The following FASN variants were observed in gnomAD, a reference collection of about 807,000 sequenced individuals.
FASN encodes 3-hydroxyacyl-[acyl-carrier-protein] dehydratase.
In FASN, 50 loss-of-function variants were observed where a neutral mutation model predicts 250.0. The observed-to-expected ratio is 0.20, with a 90% CI of 0.16 to 0.25. The LOEUF (loss-of-function observed/expected upper bound fraction) is 0.25, where lower values mean the gene tolerates loss of function less well. Ranked by LOEUF, FASN falls within the 10% of genes least tolerant of loss-of-function variation. FASN has a pLI of 1.00. For synonymous variants in FASN, 1,909 were observed against 1,584.0 expected, an observed-to-expected ratio of 1.21 and a Z score of -4.87; for missense variants, 3,031 against 3,498.5, an observed-to-expected ratio of 0.87 and a Z score of 3.37.
In FASN at chr17:82,098,188, T is replaced by C. The variant is rs1568120404; in HGVS notation, c.-75A>G. The C allele has an allele frequency of 2.8e-6, 1 of 363,230 alleles. No homozygotes were observed. Among genetic ancestry groups the C allele is most frequent in the East Asian group, 4.0e-5 (1 of 24,888 alleles). The allele number at this position is 363,230 out of a possible 1,614,324, so 22.5% of individuals were successfully genotyped here. On this transcript the variant is annotated 5_prime_UTR_variant, in exon 1 of 43. Transcript: ENST00000306749. ...GCTGGAGCGCGGCGGAGCGGGAGGC[T>C]GAAGCGCGGCGGAGAGGGAGGCCGG...
In FASN at chr17:82,091,312, G is replaced by A. The variant is rs1033326712; in HGVS notation, c.1402C>T (p.Arg468Cys). 1.2e-5 allele frequency: 19 copies of A among 1,610,740 alleles called. No individual in the cohort carries two copies. Among genetic ancestry groups the A allele is most frequent in the Admixed American group, 5.0e-5 (3 of 59,826 alleles). The change falls in exon 9 of 43, where the codon CGT (arginine) becomes TGT (cysteine). Residue 468 changes from arginine to cysteine, a missense_variant. Physicochemically the swap from Arg to Cys is radical, Grantham distance 180. Coordinates refer to ENST00000306749, the MANE Select transcript of FASN (RefSeq NM_004104.5). ...AAVPATAMPFRGYAVLGGERG... is the reference protein window; with the variant it reads ...AAVPATAMPFCGYAVLGGERG... The stretch of plus-strand genomic sequence containing the variant: ...TCACCACCCAGCACAGCGTAGCCAC[G>A]GAAGGGCATGGCGGTGGCGGGGACA...
rs1474143797 is a variant in FASN, at chr17:82,087,696, G to A, written c.3032C>T (p.Ala1011Val). 1 of 1,611,702 alleles carries A rather than the reference G, an allele frequency of 6.2e-7. No homozygotes were observed. The highest frequency in any genetic ancestry group is 8.5e-7 in the Non-Finnish European group (1 of 1,179,992). ...YGPHFQGILE[A>V]SLEGDSGRLL... ...TAGTCAGTACCCACCTTCCAGGCTG[G>A]CCTCCAGGATGCCCTGGAAATGAGG... is the stretch of plus-strand genomic sequence containing the variant. The change falls in exon 19 of 43, where the codon GCC (alanine) becomes GTC (valine). Residue 1011 changes from alanine (A) to valine (V), a missense_variant. By Grantham distance (64) the Ala-to-Val change is moderately conservative. Coordinates refer to ENST00000306749, the MANE Select transcript of FASN (RefSeq NM_004104.5).
At chr17:82,094,903 T>G (rs941938052) in intron 3 of FASN, among the ~76,000 whole-genome samples, 3 of 41,828 alleles carry the variant, frequency 7.2e-5, no homozygotes, top group Non-Finnish European at 9.6e-5. Flanking sequence ...ATGCCTGGGG[T>G]GGGGGGACGT....
rs1295603360 is a variant in FASN, at chr17:82,088,051, T to C, written c.2786-17A>G. 17 of 1,612,218 alleles carry C rather than the reference T, an allele frequency of 1.1e-5. No individual in the cohort carries two copies. Among genetic ancestry groups the C allele is most frequent in the South Asian group, 4.4e-5 (4 of 91,054 alleles). ...ACACTGTCCCTGCAGAGCGGGAGAGTTGGAGATCAGAGGGCAGCACCCGCC... is the reference window on the plus strand; with the variant it reads ...ACACTGTCCCTGCAGAGCGGGAGAGCTGGAGATCAGAGGGCAGCACCCGCC... On this transcript the variant is annotated splice_polypyrimidine_tract_variant and intron_variant, in intron 17 of 42. Coordinates refer to ENST00000306749, the MANE Select transcript of FASN (RefSeq NM_004104.5).
At position 82,089,482 on chromosome 17, in the gene FASN, G is replaced by A. The variant is rs1263784113; in HGVS notation, c.1966-98C>T. On this transcript the variant is annotated intron_variant, in intron 12 of 42. Transcript: ENST00000306749. ...CCACCTCACCCCAAGGGAACCGAGA[G>A]GGAATGGGCAAGGGACCTGAGGACA... 3 of 1,601,380 alleles carry A rather than the reference G, an allele frequency of 1.9e-6. No homozygotes were observed. The African/African-American group carries it at 4.0e-5, about 21-fold the overall frequency.
In FASN at chr17:82,092,816, C is replaced by T. The variant is rs778159858; in HGVS notation, c.779-4G>A. 24 of 1,590,522 alleles carry T rather than the reference C, an allele frequency of 1.5e-5. No homozygotes were observed. The highest frequency in any genetic ancestry group is 8.1e-5 in the African/African-American group (6 of 74,404). ...TCCCCTGAGGGGAAGGTCACGCCTG[C>T]GGAGGGCTCGGCTCAGTGCTGCAGC... On this transcript the variant is annotated splice_region_variant and splice_polypyrimidine_tract_variant and intron_variant, in intron 6 of 42. Transcript: ENST00000306749.
chr17:82,091,903 C>T (rs1210327638), intron 8 of FASN, among the ~76,000 whole-genome samples: 2 of 152,232 alleles, frequency 1.3e-5, no homozygotes, highest in Admixed American at 1.3e-4. Context: ...CCCCTTCCGG[C>T]CTTGCTGCCT....
intron 8 of FASN, among the ~76,000 whole-genome samples, chr17:82,091,939 G>A (rs1238669377): frequency 6.6e-6 from 1 of 152,212 alleles, no homozygotes; most frequent in East Asian, 1.9e-4. Context: ...ACCCACCAAA[G>A]CCTGGCTGTG....
Position 82,085,864 on chromosome 17 carries a change from G to T in FASN, c.3740C>A (p.Ala1247Asp). ...SLKMKVVEVL[A>D]GHGHLYSRIP... ...GCGGGAATACAGGTGACCGTGGCCA[G>T]CCAGCACCTGTAGGGGGTGAATTCT... is the stretch of plus-strand genomic sequence containing the variant. The change falls in exon 23 of 43, where the codon GCT becomes GAT. Residue 1247 changes from alanine to aspartate, a missense_variant. Transcript: ENST00000306749. 6.5e-7 allele frequency: 1 copy of T among 1,537,704 alleles called. No individual in the cohort carries two copies.
Position 82,087,186 on chromosome 17 carries a change from G to A in FASN, c.3291C>T (p.Leu1097=). 1.2e-6 allele frequency: 2 copies of A among 1,608,286 alleles called. No individual in the cohort carries two copies. Among genetic ancestry groups the A allele is most frequent in the Non-Finnish European group, 1.7e-6 (2 of 1,178,616 alleles). ...GCCGCCGCGGGGCCGACTCAGTGTG[G>A]AGCCCGGAGATGTGGACGCCTCCGG... ...TVAGGVHISG[L]HTESAPRRQQ... Residue 1097 remains leucine (L), a synonymous_variant, in exon 21 of 43, where the codon CTC becomes CTT. Transcript: ENST00000306749.
In FASN at chr17:82,080,694, C is replaced by T. The variant is rs758520407; in HGVS notation, c.6824G>A (p.Arg2275Gln). ...TCCAGAGGAGGGCCCGGGAGTACCT[C>T]GGGTGCACTGCAGGCCATAGGTGGG... ...SIPTYGLQCT[R>Q]AAPLDSIHSL... The change falls in exon 39 of 43, where the codon CGA becomes CAA. Residue 2275 changes from arginine to glutamine, a missense_variant and splice_region_variant. Transcript: ENST00000306749. 62 of 1,586,508 alleles carry T rather than the reference C, an allele frequency of 3.9e-5. No homozygotes were observed. Among genetic ancestry groups the T allele is most frequent in the Admixed American group, 1.5e-4 (8 of 55,022 alleles).
rs776371810 is a variant in FASN, at chr17:82,080,755, T to C, written c.6763A>G (p.Thr2255Ala). ...FLVHPIEGST[T>A]VFHSLASRLS... ...CGGGAGGCCAGGCTGTGGAACACGG[T>C]GGTGGAGCCCTCGATTGGGTGCACC... Residue 2255 changes from threonine (T) to alanine (A), a missense_variant, in exon 39 of 43, where the codon ACC becomes GCC. Physicochemically the swap from Thr to Ala is moderately conservative, Grantham distance 58. Transcript: ENST00000306749. 2 of 1,604,040 alleles carry C rather than the reference T, an allele frequency of 1.2e-6. No individual in the cohort carries two copies. Among genetic ancestry groups the C allele is most frequent in the Admixed American group, 1.7e-5 (1 of 58,406 alleles).
Position 82,088,380 on chromosome 17 carries a change from C to T in FASN, c.2593+10G>A, listed in dbSNP as rs2034143599. 1 of 1,612,056 alleles carries T rather than the reference C, an allele frequency of 6.2e-7. No individual in the cohort carries two copies. The highest frequency in any genetic ancestry group is 8.5e-7 in the Non-Finnish European group (1 of 1,179,730). On this transcript the variant is annotated intron_variant, in intron 16 of 42. Coordinates refer to ENST00000306749, the MANE Select transcript of FASN (RefSeq NM_004104.5). ...GGAAGAGTCTGCCCACCCGCCGGGC[C>T]CCTGCTCACCGATGTTGTAGATGGC...
chr17:82,096,940 A>G, intron 1 of FASN: 1 of 242,184 alleles, frequency 4.1e-6, no homozygotes, highest in Non-Finnish European at 8.3e-6. Flanking sequence ...ATGGAGAGGC[A>G]GGGTCCCAAA....
intron 3 of FASN, 144 bp from the exon 4 acceptor site, chr17:82,093,915 G>A (rs2034260735): frequency 1.1e-6 from 1 of 873,506 alleles, no homozygotes. Context: ...GACCCTGGAA[G>A]GGGCCTAAGG....
At position 82,082,896 on chromosome 17, in the gene FASN, G is replaced by A; in HGVS notation, c.5767+18C>T. The A allele has an allele frequency of 2.5e-6, 4 of 1,612,194 alleles. No homozygotes were observed. The highest frequency in any genetic ancestry group is 3.4e-6 in the Non-Finnish European group (4 of 1,179,666). The stretch of plus-strand genomic sequence containing the variant: ...GTGCCTGGCCCAGGCTGGTCCACAA[G>A]CACCCCTGCCGACTCACCTGTCCGG... On this transcript the variant is annotated intron_variant, in intron 33 of 42. Coordinates refer to ENST00000306749, the MANE Select transcript of FASN (RefSeq NM_004104.5).
Position 82,086,907 on chromosome 17 carries a change from C to T in FASN, c.3427+143G>A, listed in dbSNP as rs979236838. The T allele has an allele frequency of 7.1e-5, 62 of 876,216 alleles. No individual in the cohort carries two copies. The Middle Eastern group carries it at 9.9e-4, about 14-fold the overall frequency. The allele number at this position is 876,216 out of a possible 1,614,324, so 54.3% of individuals were successfully genotyped here. A position where few individuals can be genotyped will look rare whatever the true frequency, so the allele number is the denominator to read the frequency against. On this transcript the variant is annotated intron_variant, in intron 21 of 42. Transcript: ENST00000306749. Reference sequence around the variant, plus strand: ...CTGGGGGAGGGAGGGAGGCCGCCATCGTGAGCTCCGGCCGGAGGGTTGGGC... The same window carrying T: ...CTGGGGGAGGGAGGGAGGCCGCCATTGTGAGCTCCGGCCGGAGGGTTGGGC...
At position 82,095,454 on chromosome 17, in the gene FASN, C is replaced by T. The variant is rs201186614; in HGVS notation, c.146G>A (p.Arg49Gln). 1.4e-4 allele frequency: 229 copies of T among 1,612,398 alleles called. 1 individual carries two copies. The highest frequency in any genetic ancestry group is 8.8e-5 in the South Asian group (8 of 91,076). Residue 49 changes from arginine to glutamine, a missense_variant, in exon 3 of 43, where the codon CGG becomes CAG. Arg to Gln is a conservative substitution (Grantham distance 43, BLOSUM62 1). Coordinates refer to ENST00000306749, the MANE Select transcript of FASN (RefSeq NM_004104.5). ...RWKAGLYGLP[R>Q]RSGKLKDLSR... ...CAGGTCCTTCAGCTTGCCGGACCGC[C>T]GGGGCAGGCCGTAGAGCCCTGTGGG...
chr17:82,088,370 CCCG>C lies in FASN; in HGVS notation c.2593+17_2593+19del, dbSNP rs761943688. The stretch of plus-strand genomic sequence containing the variant: ...CTGTGGGGAGGGAAGAGTCTGCCCA[CCCG>C]CCGGGCCCCTGCTCACCGATGTTGT... On this transcript the variant is annotated intron_variant, in intron 16 of 42. Transcript: ENST00000306749. The C allele has an allele frequency of 6.2e-7, 1 of 1,611,662 alleles. No individual in the cohort carries two copies. The highest frequency in any genetic ancestry group is 8.5e-7 in the Non-Finnish European group (1 of 1,179,744).
Sources: gnomAD v4.1 joint callset for allele counts (sites outside exome capture counted in the v4.1 genomes callset) on GRCh38, gnomAD v4.1.1 for gene constraint, MANE v1.5 for transcripts, NCBI Gene and HGNC (gene_info 2026-07-23, HGNC 2026-07-21) for gene names.